The following ST8SIA3 variants were observed in gnomAD, a reference collection of about 807,000 sequenced individuals.
ST8SIA3 encodes alpha-N-acetylneuraminate alpha-2,8-sialyltransferase ST8SIA3.
In ST8SIA3, 17 loss-of-function variants were observed where a neutral mutation model predicts 34.5. That is an observed-to-expected ratio of 0.49 (90% confidence interval 0.34 to 0.74). The LOEUF is 0.74. Among genes scored for constraint, ST8SIA3 ranks in the 30% least tolerant of loss-of-function variants. The pLI is 0.01. For missense variants in ST8SIA3, 354 were observed against 467.8 expected (o/e 0.76, Z 2.24); for synonymous variants, 172 against 176.1 (o/e 0.98, Z 0.19).
chr18:57,359,397 G>C lies in ST8SIA3; in HGVS notation c.861-598G>C, dbSNP rs369874722. Among the ~76,000 whole-genome samples, 27 of 152,292 alleles carry C rather than the reference G, an allele frequency of 1.8e-4. 2 individuals carry two copies. Among genetic ancestry groups the C allele is most frequent in the African/African-American group, 6.0e-4 (25 of 41,550 alleles). ...AGATGGGCTTGGGAACCCCTAGTTA[G>C]AAGAGAAAGAAGCAAGGAATACAAT... On this transcript the variant is annotated intron_variant, in intron 3 of 3. Transcript: ENST00000324000.
At position 57,363,489 on chromosome 18, in the gene ST8SIA3, C is replaced by T. The variant is rs75286279; in HGVS notation, c.*3212C>T. The T allele has an allele frequency of 0.013, 2,047 of 152,386 alleles. 22 individuals are homozygous for T. Among genetic ancestry groups the T allele is most frequent in the Non-Finnish European group, 0.022 (1,503 of 68,096 alleles). 9.4% of individuals were successfully genotyped at this position (152,386 alleles called of 1,614,324 possible). ...GCAGTGCTGACTATGACTACTGTGC[C>T]ATCTGTCTGTGACCTTGATGTCAGG... On this transcript the variant is annotated 3_prime_UTR_variant, in exon 4 of 4. Transcript: ENST00000324000.
At position 57,356,963 on chromosome 18, in the gene ST8SIA3, A is replaced by G; in HGVS notation, c.353A>G (p.Lys118Arg). ...VDVIKNFSLT[K>R]NSVRIGQLMH... ...GTAATAAAAAATTTTTCTTTGACCA[A>G]GAATAGTGTTCGGATTGGACAACTG... Residue 118 changes from lysine to arginine, a missense_variant, in exon 3 of 4, where the codon AAG (lysine) becomes AGG (arginine). Physicochemically the swap from Lys to Arg is conservative, Grantham distance 26 (BLOSUM62 2). Coordinates refer to ENST00000324000, the MANE Select transcript of ST8SIA3 (RefSeq NM_015879.3). 6.2e-7 allele frequency: 1 copy of G among 1,610,974 alleles called. No homozygotes were observed. Among genetic ancestry groups the G allele is most frequent in the South Asian group, 1.1e-5 (1 of 90,160 alleles).
rs1046006037 is a variant in ST8SIA3, at chr18:57,367,010, A to G, written c.*6733A>G. The G allele has an allele frequency of 5.9e-5, 9 of 152,216 alleles. No homozygotes were observed. Among genetic ancestry groups the G allele is most frequent in the Middle Eastern group, 3.2e-3 (1 of 316 alleles). 9.4% of individuals were successfully genotyped at this position (152,216 alleles called of 1,614,324 possible). The stretch of plus-strand genomic sequence containing the variant: ...AATCCACAGAACAAGCTTTGTTTGC[A>G]AATTGCAAATTTTTCTGGTAGAAGT... On this transcript the variant is annotated 3_prime_UTR_variant, in exon 4 of 4. Transcript: ENST00000324000.
At position 57,363,231 on chromosome 18, in the gene ST8SIA3, AC is replaced by A. The variant is rs1349158199; in HGVS notation, c.*2956del. 1.3e-5 allele frequency: 2 copies of A among 152,188 alleles called. No individual in the cohort carries two copies. The highest frequency in any genetic ancestry group is 4.8e-5 in the African/African-American group (2 of 41,436). The allele number at this position is 152,188 out of a possible 1,614,324, so 9.4% of individuals were successfully genotyped here. On this transcript the variant is annotated 3_prime_UTR_variant, in exon 4 of 4. Transcript: ENST00000324000. Reference sequence around the variant, plus strand: ...GGGAAATAATCACAAACTTTTGGCAACCTGCTTAATGCTAGACGCTCTGTTT... The same window carrying A: ...GGGAAATAATCACAAACTTTTGGCAACTGCTTAATGCTAGACGCTCTGTTT...
At chr18:57,359,558 A>G (rs1234437272) in intron 3 of ST8SIA3, among the ~76,000 whole-genome samples, 1 of 148,078 alleles carries the variant, frequency 6.8e-6, no homozygotes, top group Non-Finnish European at 1.5e-5. Flanking sequence ...CCTATCCAAG[A>G]ACACTTTATG....
intron 3 of ST8SIA3, among the ~76,000 whole-genome samples, chr18:57,359,493 G>A (rs1598903422): frequency 6.6e-6 from 1 of 152,136 alleles, no homozygotes; most frequent in Non-Finnish European, 1.5e-5. Context: ...TTATTTCTAG[G>A]TTTGAGAAAG....
chr18:57,363,905 C>T lies in ST8SIA3; in HGVS notation c.*3628C>T, dbSNP rs1344821498. The T allele has an allele frequency of 6.6e-6, 1 of 152,174 alleles. No individual in the cohort carries two copies. Among genetic ancestry groups the T allele is most frequent in the African/African-American group, 2.4e-5 (1 of 41,440 alleles). 9.4% of individuals were successfully genotyped at this position (152,174 alleles called of 1,614,324 possible). ...AATTAGTGGAGAAATTATGATTCCT[C>T]CTCTAGTACTTCTTGGTCTTACCAG... On this transcript the variant is annotated 3_prime_UTR_variant, in exon 4 of 4. Transcript: ENST00000324000.
intron 3 of ST8SIA3, among the ~76,000 whole-genome samples, chr18:57,358,532 G>A (rs2049811329): frequency 7.1e-6 from 1 of 140,052 alleles, no homozygotes; most frequent in Admixed American, 7.2e-5. Flanking sequence ...AAACTGGTTT[G>A]TATCTCAATG....
At chr18:57,354,179 G>A (rs540367279) in intron 1 of ST8SIA3, among the ~76,000 whole-genome samples, 2 of 152,336 alleles carry the variant, frequency 1.3e-5, no homozygotes, top group South Asian at 2.1e-4. Context: ...TGGTCTCTCC[G>A]GCACCCGGAG....
chr18:57,355,543 C>G lies in ST8SIA3; in HGVS notation c.302+1019C>G, dbSNP rs114368573. On this transcript the variant is annotated intron_variant, in intron 2 of 3. Transcript: ENST00000324000. ...TCATATGATTAACATTTTAAAAACA[C>G]TTATGTTTAATTATAAATTAGTTCA... Among the ~76,000 whole-genome samples the G allele has an allele frequency of 1.7e-3, 261 of 152,236 alleles. 1 individual carries two copies. Among genetic ancestry groups the G allele is most frequent in the African/African-American group, 6.0e-3 (249 of 41,534 alleles).
chr18:57,353,710 C>T (rs980239637), intron 1 of ST8SIA3, among the ~76,000 whole-genome samples: 7 of 152,170 alleles, frequency 4.6e-5, no homozygotes, highest in Non-Finnish European at 8.8e-5. Flanking sequence ...TGTGAAGGCT[C>T]CAGGCGCAGC....
Position 57,364,872 on chromosome 18 carries a change from A to T in ST8SIA3, c.*4595A>T, listed in dbSNP as rs2049851644. ...TTGTCATCTTATGCAGTATTTCTGA[A>T]AATTTATTTTTATTGTGATGACTGA... On this transcript the variant is annotated 3_prime_UTR_variant, in exon 4 of 4. Coordinates refer to ENST00000324000, the MANE Select transcript of ST8SIA3 (RefSeq NM_015879.3). The T allele has an allele frequency of 1.0e-5, 1 of 98,780 alleles. No individual in the cohort carries two copies. Among genetic ancestry groups the T allele is most frequent in the South Asian group, 2.9e-4 (1 of 3,498 alleles). 6.1% of individuals were successfully genotyped at this position (98,780 alleles called of 1,614,324 possible). A position where few individuals can be genotyped will look rare whatever the true frequency, so the allele number is the denominator to read the frequency against.
chr18:57,354,129 GC>G (rs1484298987), intron 1 of ST8SIA3, among the ~76,000 whole-genome samples: 4 of 152,212 alleles, frequency 2.6e-5, no homozygotes, highest in Non-Finnish European at 4.4e-5. Context: ...CCAGCCCTGC[GC>G]CCGGCGTGCG....
chr18:57,355,974 GT>G (rs2049795865), intron 2 of ST8SIA3, among the ~76,000 whole-genome samples: 1 of 152,202 alleles, frequency 6.6e-6, no homozygotes. Context: ...AACGGATGAT[GT>G]GCAAAGCATT....
chr18:57,356,868 G>A (rs677514), intron 2 of ST8SIA3, 45 bp from the exon 3 acceptor site: 198,264 of 1,257,710 alleles, frequency 0.16, 17,107 homozygotes, highest in African/African-American at 0.34. Flanking sequence ...TGGAAAATCA[G>A]TTCTTCTGAA....
In ST8SIA3 at chr18:57,359,981, T is replaced by A. The variant is rs1942964; in HGVS notation, c.861-14T>A. ...CGCTGACCTCTGAATCCAAATGTAC[T>A]TATTGTTCCACAGGTACTGGAAAAA... On this transcript the variant is annotated splice_polypyrimidine_tract_variant and intron_variant, in intron 3 of 3. Coordinates refer to ENST00000324000, the MANE Select transcript of ST8SIA3 (RefSeq NM_015879.3). 1.0e-4 allele frequency: 164 copies of A among 1,605,210 alleles called. 3 individuals are homozygous for A. In the East Asian group the frequency reaches 3.2e-3, roughly 32 times the overall value.
At position 57,360,260 on chromosome 18, in the gene ST8SIA3, C is replaced by G. The variant is rs2049823219; in HGVS notation, c.1126C>G (p.Leu376Val). 6.2e-7 allele frequency: 1 copy of G among 1,613,794 alleles called. No individual in the cohort carries two copies. The highest frequency in any genetic ancestry group is 8.5e-7 in the Non-Finnish European group (1 of 1,179,784). ...MHGEGLTKLT[L>V]SHCA ...TGGGGAAGGGCTCACCAAGCTGACT[C>G]TGTCACACTGTGCCTAAGAACTCCA... Residue 376 changes from leucine (L) to valine (V), a missense_variant, in exon 4 of 4, where the codon CTG becomes GTG. By Grantham distance (32) the Leu-to-Val change is conservative (BLOSUM62 1). Around this residue, in one of 3 missense-constraint regions of ST8SIA3, gnomAD observed 166 missense variants for 245.2 expected, o/e 0.68. Coordinates refer to ENST00000324000, the MANE Select transcript of ST8SIA3 (RefSeq NM_015879.3).
intron 3 of ST8SIA3, among the ~76,000 whole-genome samples, chr18:57,359,331 T>G (rs978876370): frequency 3.3e-5 from 5 of 152,194 alleles, no homozygotes; most frequent in African/African-American, 4.8e-5. Context: ...ACACACTTTC[T>G]GAATTTAAAA....
chr18:57,353,147 C>G, intron 1 of ST8SIA3, 122 bp downstream of exon 1: 1 of 930,420 alleles, frequency 1.1e-6, no homozygotes, highest in Non-Finnish European at 1.6e-6. Context: ...GATAACTGCG[C>G]GGTCCTTCCA....
Sources: allele counts gnomAD v4.1 joint callset (sites outside exome capture counted in the v4.1 genomes callset), GRCh38; gene constraint gnomAD v4.1.1; regional missense constraint gnomAD v4.1.1; transcripts MANE v1.5; gene names NCBI Gene and HGNC (gene_info 2026-07-23, HGNC 2026-07-21).